The following SLC37A2 variants were observed in gnomAD, a reference collection of about 807,000 sequenced individuals.
SLC37A2 encodes the protein glucose-6-phosphate exchanger SLC37A2.
Under a neutral mutation model 70.7 loss-of-function variants are expected in SLC37A2, and 59 were observed. That is an observed-to-expected ratio of 0.83 (90% CI 0.68 to 1.04). SLC37A2 has a LOEUF of 1.04. Among genes scored for constraint, SLC37A2 ranks in the 50% least tolerant of loss-of-function variants. SLC37A2 has a pLI of 0.00. For synonymous variants in SLC37A2, 257 were observed against 262.1 expected, an observed-to-expected ratio of 0.98 and a Z score of 0.19; for missense variants, 580 against 658.1, an observed-to-expected ratio of 0.88 and a Z score of 1.30.
intron 10 of SLC37A2, 125 bp downstream of exon 10, chr11:125,082,459 C>T (rs903330318): frequency 2.4e-6 from 2 of 822,382 alleles, no homozygotes; most frequent in Non-Finnish European, 4.1e-6. Flanking sequence ...TGCTGAACCT[C>T]TCCTAGAGTG....
intron 1 of SLC37A2, among the ~76,000 whole-genome samples, chr11:125,076,021 G>T (rs911516791): frequency 2.8e-4 from 43 of 152,170 alleles, no homozygotes; most frequent in Admixed American, 6.5e-5. Flanking sequence ...CCCTTCCCCA[G>T]GCCTCAGGCT....
chr11:125,063,479 G>T lies in SLC37A2; in HGVS notation c.59+53G>T. The T allele has an allele frequency of 6.5e-7, 1 of 1,538,904 alleles. No individual in the cohort carries two copies. Among genetic ancestry groups the T allele is most frequent in the South Asian group, 1.2e-5 (1 of 85,622 alleles). The stretch of plus-strand genomic sequence containing the variant: ...CCGGGACCTCCTGGGCTCGGGGCTT[G>T]CAGGGGCCGCGGGGGGCCTCGGAGA... On this transcript the variant is annotated intron_variant, in intron 1 of 17. Coordinates refer to ENST00000403796, the MANE Select transcript of SLC37A2 (RefSeq NM_001145290.2). The surrounding 1 kb of genome is among the most constrained non-coding windows in gnomAD (Gnocchi z 5.4).
chr11:125,071,239 C>G (rs976876924), intron 1 of SLC37A2, among the ~76,000 whole-genome samples: 19 of 152,188 alleles, frequency 1.2e-4, no homozygotes, highest in Admixed American at 6.5e-5. Flanking sequence ...CCTCCTCCCC[C>G]TCTAAGCAGG....
chr11:125,081,841 A>T lies in SLC37A2; in HGVS notation c.820A>T (p.Lys274Ter), dbSNP rs1565398927. The T allele has an allele frequency of 5.6e-6, 9 of 1,614,070 alleles. No individual in the cohort carries two copies. The highest frequency in any genetic ancestry group is 5.1e-6 in the Non-Finnish European group (6 of 1,179,948). ...GGAGAGCGGCCTTGAGACTGTGGCC[A>T]AATGCTCCAAGGGGCCATGCGAAGA... Reference protein sequence around the residue: ...IRESGLETVAKCSKGPCEEPA... With the variant: ...IRESGLETVA The change falls in exon 9 of 18, where the codon AAA becomes TAA. Residue 274 changes from lysine to a stop codon, truncating the protein, a stop_gained. Coordinates refer to ENST00000403796, the MANE Select transcript of SLC37A2 (RefSeq NM_001145290.2). LOFTEE classifies it high-confidence loss of function.
chr11:125,076,292 C>T (rs1043112729), intron 1 of SLC37A2, among the ~76,000 whole-genome samples: 1 of 152,098 alleles, frequency 6.6e-6, no homozygotes, highest in Non-Finnish European at 1.5e-5. Flanking sequence ...CTGCCCTGTT[C>T]GAAGCTTCAG....
chr11:125,071,246 C>T (rs140114389), intron 1 of SLC37A2, among the ~76,000 whole-genome samples: 31 of 152,304 alleles, frequency 2.0e-4, no homozygotes, highest in African/African-American at 7.2e-5. Flanking sequence ...CCCCTCTAAG[C>T]AGGACTGCAG....
chr11:125,079,321 G>A, intron 5 of SLC37A2, 74 bp downstream of exon 5: 1 of 1,589,934 alleles, frequency 6.3e-7, no homozygotes. Flanking sequence ...AGCTCACAGC[G>A]GGTGGGAGCC....
In SLC37A2 at chr11:125,090,378, C is replaced by T. The variant is rs7116152; in HGVS notation, c.*2244C>T. ...CGACCTGTCAAAACAGGCCACTCGG[C>T]TCTACCAATAAGCAGGATGTGGGTG... On this transcript the variant is annotated 3_prime_UTR_variant, in exon 18 of 18. Transcript: ENST00000403796. 24,896 of 152,200 alleles carry T rather than the reference C, an allele frequency of 0.16. 2,571 individuals are homozygous for T. The highest frequency in any genetic ancestry group is 0.29 in the African/African-American group (12,012 of 41,468). The allele number at this position is 152,200 out of a possible 1,614,324, so 9.4% of individuals were successfully genotyped here.
At position 125,089,417 on chromosome 11, in the gene SLC37A2, C is replaced by T. The variant is rs1949259525; in HGVS notation, c.*1283C>T. ...GCGGCACTTGAGGAGCCCTTCAGCC[C>T]ACCGCTGCACTGTGGGGAGCCCCTT... On this transcript the variant is annotated 3_prime_UTR_variant, in exon 18 of 18. Coordinates refer to ENST00000403796, the MANE Select transcript of SLC37A2 (RefSeq NM_001145290.2). The T allele has an allele frequency of 6.5e-6, 1 of 154,362 alleles. No homozygotes were observed. The highest frequency in any genetic ancestry group is 2.0e-4 in the South Asian group (1 of 4,960). The allele number at this position is 154,362 out of a possible 1,614,324, so 9.6% of individuals were successfully genotyped here. A position where few individuals can be genotyped will look rare whatever the true frequency, so the allele number is the denominator to read the frequency against.
chr11:125,077,356 C>G (rs1949099264), intron 3 of SLC37A2, 33 bp downstream of exon 3: 1 of 1,591,268 alleles, frequency 6.3e-7, no homozygotes, highest in Non-Finnish European at 8.6e-7. Flanking sequence ...TTCCCATTCC[C>G]CATTCCCTCT....
intron 4 of SLC37A2, among the ~76,000 whole-genome samples, chr11:125,078,448 T>C (rs1196194504): frequency 6.6e-6 from 1 of 152,158 alleles, no homozygotes; most frequent in African/African-American, 2.4e-5. Flanking sequence ...GTTGAGCTTA[T>C]GTTACTACAG....
At position 125,076,812 on chromosome 11, in the gene SLC37A2, T is replaced by G. The variant is rs1181209361; in HGVS notation, c.115T>G (p.Ser39Ala). ...CCTAATTTACGCCTGCTATCACATG[T>G]CCAGGAAGCCTATCAGTATCGTCAA... ...TFLIYACYHM[S>A]RKPISIVKSR... The change falls in exon 2 of 18, where the codon TCC (serine) becomes GCC (alanine). Residue 39 changes from serine to alanine, a missense_variant. By Grantham distance (99) the Ser-to-Ala change is moderately conservative. Transcript: ENST00000403796. 6.2e-6 allele frequency: 10 copies of G among 1,614,028 alleles called. No individual in the cohort carries two copies. Among genetic ancestry groups the G allele is most frequent in the Admixed American group, 1.7e-5 (1 of 59,998 alleles).
intron 10 of SLC37A2, among the ~76,000 whole-genome samples, 189 bp downstream of exon 10, chr11:125,082,523 C>A (rs762831677): frequency 1.3e-5 from 2 of 152,144 alleles, no homozygotes; most frequent in Non-Finnish European, 2.9e-5. Flanking sequence ...CAGCAAACTA[C>A]CCCCTAGACC....
Sources: gnomAD v4.1 joint callset for allele counts (sites outside exome capture counted in the v4.1 genomes callset) on GRCh38, gnomAD v4.1.1 for gene constraint, Gnocchi (gnomAD v3.1) non-coding constraint, MANE v1.5 for transcripts, NCBI Gene and HGNC (gene_info 2026-07-23, HGNC 2026-07-21) for gene names.